Variants in ASTN2 observed in about 807,000 individuals in gnomAD.
The protein encoded by ASTN2 is astrotactin 2.
A neutral mutation model predicts 139.8 loss-of-function variants in ASTN2; 54 were observed. The ratio of observed to expected loss-of-function variants is 0.39; its 90% CI spans 0.31 to 0.48. The LOEUF (loss-of-function observed/expected upper bound fraction) is 0.48. ASTN2 is among the 20% of genes least tolerant of loss of function. The pLI is 0.95. For synonymous variants in ASTN2, 756 were observed against 719.5 expected, an observed-to-expected ratio of 1.05 and a Z score of -0.81; for missense variants, 1,565 against 1,725.1, an observed-to-expected ratio of 0.91 and a Z score of 1.64.
chr9:116,557,885 A>C (rs1852714117), intron 19 of ASTN2, among the ~76,000 whole-genome samples: 1 of 152,218 alleles, frequency 6.6e-6, no homozygotes, highest in Non-Finnish European at 1.5e-5. Flanking sequence ...TGGGGTTTTC[A>C]ACAGCTCTGA....
In ASTN2 at chr9:117,073,120, C is replaced by T. The variant is rs1828180721; in HGVS notation, c.1276+22924G>A. On this transcript the variant is annotated intron_variant, in intron 5 of 22. Coordinates refer to ENST00000313400, the MANE Select transcript of ASTN2 (RefSeq NM_001365068.1). Reference sequence around the variant, plus strand: ...CAAACAAAATGAAAGAGAAAGACTGCCGAAATAAAAATGCAGGGTTAGATA... The same window carrying T: ...CAAACAAAATGAAAGAGAAAGACTGTCGAAATAAAAATGCAGGGTTAGATA... Among the ~76,000 whole-genome samples the T allele has an allele frequency of 2.0e-5, 3 of 152,182 alleles. No homozygotes were observed. In the South Asian group the frequency reaches 6.2e-4, roughly 32 times the overall value.
At position 116,900,044 on chromosome 9, in the gene ASTN2, A is replaced by G. The variant is rs920044098; in HGVS notation, c.1890-36311T>C. 2.0e-5 allele frequency among the ~76,000 whole-genome samples: 3 copies of G among 152,290 alleles called. No individual in the cohort carries two copies. In the East Asian group the frequency reaches 5.8e-4, roughly 29 times the overall value. Reference sequence around the variant, plus strand: ...TCCCTAGGCCCCTGCTCGTCAAACTATCTTTAAAAAACCTTAGCCTCCAAA... The same window carrying G: ...TCCCTAGGCCCCTGCTCGTCAAACTGTCTTTAAAAAACCTTAGCCTCCAAA... On this transcript the variant is annotated intron_variant, in intron 10 of 22. Transcript: ENST00000313400.
intron 2 of ASTN2, among the ~76,000 whole-genome samples, chr9:117,284,292 A>T (rs185607577): frequency 6.6e-6 from 1 of 152,252 alleles, no homozygotes; most frequent in East Asian, 1.9e-4. Flanking sequence ...TTTGCTATAG[A>T]CAGGGTTTCA....
intron 1 of ASTN2, among the ~76,000 whole-genome samples, chr9:117,325,653 G>C (rs1432803841): frequency 6.6e-6 from 1 of 152,120 alleles, no homozygotes; most frequent in Non-Finnish European, 1.5e-5. Context: ...TAGACATGCA[G>C]GGATTACAGG....
intron 20 of ASTN2, among the ~76,000 whole-genome samples, chr9:116,444,105 CTTTAT>C (rs1293770036): frequency 1.4e-5 from 2 of 146,518 alleles, no homozygotes; most frequent in Non-Finnish European, 3.0e-5. Context: ...CTATTACTCT[CTTTAT>C]TTTATTTGTG....
At chr9:117,155,417 G>A (rs1009572908) in intron 3 of ASTN2, among the ~76,000 whole-genome samples, 18 of 151,932 alleles carry the variant, frequency 1.2e-4, no homozygotes, top group South Asian at 4.1e-4. Flanking sequence ...CTGCATGTAC[G>A]GGTGGACGGG....
At chr9:116,616,862 G>A (rs1044682636) in intron 19 of ASTN2, among the ~76,000 whole-genome samples, 7 of 151,726 alleles carry the variant, frequency 4.6e-5, no homozygotes, top group Non-Finnish European at 8.8e-5. Context: ...TAAAAATAAC[G>A]TACATACAGA....
intron 13 of ASTN2, among the ~76,000 whole-genome samples, chr9:116,783,220 CT>C (rs916193767): frequency 1.5e-4 from 23 of 149,038 alleles, no homozygotes; most frequent in South Asian, 4.3e-4. Flanking sequence ...AAAACAGTTC[CT>C]TTTTTTTTTA....
intron 21 of ASTN2, 74 bp downstream of exon 21, chr9:116,442,379 A>C (rs1208821365): frequency 8.6e-7 from 1 of 1,156,794 alleles, no homozygotes; most frequent in Non-Finnish European, 1.3e-6. Flanking sequence ...GTGTTTAATG[A>C]TTAGTGACTG....
At chr9:117,144,602 G>C (rs934532706) in intron 3 of ASTN2, among the ~76,000 whole-genome samples, 2 of 147,764 alleles carry the variant, frequency 1.4e-5, no homozygotes, top group Admixed American at 1.3e-4. Flanking sequence ...ACGGATGACA[G>C]TTCCTCAGTA....
intron 10 of ASTN2, among the ~76,000 whole-genome samples, chr9:116,879,505 T>C (rs1051957034): frequency 1.3e-5 from 2 of 152,172 alleles, no homozygotes; most frequent in Non-Finnish European, 2.9e-5. Context: ...TCAACCTCTC[T>C]TGAGTCTCAG....
intron 3 of ASTN2, among the ~76,000 whole-genome samples, chr9:117,162,959 G>A (rs937628839): frequency 6.6e-6 from 1 of 152,034 alleles, no homozygotes; most frequent in African/African-American, 2.4e-5. Context: ...TGGTTTCTAA[G>A]GAGACCAGGA....
intron 19 of ASTN2, among the ~76,000 whole-genome samples, chr9:116,592,046 T>TAA (rs935913229): frequency 6.6e-6 from 1 of 152,184 alleles, no homozygotes; most frequent in African/African-American, 2.4e-5. Flanking sequence ...GTCTCATATA[T>TAA]AAAATGGCAT....
chr9:117,285,624 C>G (rs1202408414), intron 2 of ASTN2, among the ~76,000 whole-genome samples: 8 of 152,160 alleles, frequency 5.3e-5, no homozygotes, highest in Non-Finnish European at 1.2e-4. Flanking sequence ...TTGGAGGCAA[C>G]TACAATAGTC....
intron 5 of ASTN2, among the ~76,000 whole-genome samples, chr9:117,047,314 T>C (rs1564400431): frequency 6.6e-6 from 1 of 152,148 alleles, no homozygotes; most frequent in African/African-American, 2.4e-5. Context: ...ATGGGACATA[T>C]TTTCCTTTAT....
chr9:117,251,223 T>G (rs1007071996), intron 2 of ASTN2, among the ~76,000 whole-genome samples: 13 of 152,002 alleles, frequency 8.6e-5, no homozygotes, highest in African/African-American at 3.1e-4. Flanking sequence ...CCTGGAGCCC[T>G]CTACTCAGAT....
intron 3 of ASTN2, among the ~76,000 whole-genome samples, chr9:117,182,588 A>C (rs1831102656): frequency 6.6e-6 from 1 of 152,130 alleles, no homozygotes; most frequent in Non-Finnish European, 1.5e-5. Context: ...ACCACCTCCT[A>C]ATCACTGCTT....
intron 10 of ASTN2, among the ~76,000 whole-genome samples, chr9:116,887,658 T>C (rs12378743): frequency 0.25 from 37,936 of 151,902 alleles, 5,005 homozygotes; most frequent in Middle Eastern, 0.31. Flanking sequence ...TGTAATTTAC[T>C]TTGTATTGTT....
At chr9:116,913,101 G>A (rs1173430804) in intron 10 of ASTN2, among the ~76,000 whole-genome samples, 1 of 151,956 alleles carries the variant, frequency 6.6e-6, no homozygotes, top group East Asian at 1.9e-4. Context: ...ACAGAGTTTC[G>A]CCATATTGGG....
Sources: gnomAD v4.1 joint callset for allele counts (sites outside exome capture counted in the v4.1 genomes callset) on GRCh38, gnomAD v4.1.1 for gene constraint, MANE v1.5 for transcripts, NCBI Gene and HGNC (gene_info 2026-07-23, HGNC 2026-07-21) for gene names.